The following USO1 variants were observed in gnomAD, a reference collection of about 807,000 sequenced individuals.
USO1 encodes USO1 vesicle transport factor, also known as general vesicular transport factor p115.
Under a neutral mutation model 124.5 loss-of-function variants are expected in USO1, and 57 were observed. The observed-to-expected ratio is 0.46, with a 90% confidence interval of 0.37 to 0.57. The LOEUF (loss-of-function observed/expected upper bound fraction) is 0.57, where lower values mean the gene tolerates loss of function less well. USO1 is among the 20% of genes least tolerant of loss of function. The pLI is 0.00. For missense variants in USO1, 900 were observed against 1,040.6 expected (o/e 0.86, Z 1.86); for synonymous variants, 369 against 362.8 (o/e 1.02, Z -0.19).
Position 75,724,829 on chromosome 4 carries a change from C to T in USO1, c.10C>T (p.Leu4Phe), listed in dbSNP as rs1473543535. 3 of 1,613,846 alleles carry T rather than the reference C, an allele frequency of 1.9e-6. No individual in the cohort carries two copies. The highest frequency in any genetic ancestry group is 2.5e-6 in the Non-Finnish European group (3 of 1,179,830). MNF[L>F]RGVMGGQSAG... ...GTGGCTGAACGGCAAGATGAATTTCCTCCGCGGGGTAATGGGGGGTCAGAG... is the reference window on the plus strand; with the variant it reads ...GTGGCTGAACGGCAAGATGAATTTCTTCCGCGGGGTAATGGGGGGTCAGAG... Residue 4 changes from leucine to phenylalanine, a missense_variant, in exon 1 of 24, where the codon CTC becomes TTC. Leu to Phe is a conservative substitution (Grantham distance 22, BLOSUM62 0). This residue lies in a region of USO1 where 538 missense variants were observed against 681.6 expected (regional missense o/e 0.79). Coordinates refer to ENST00000514213, the MANE Select transcript of USO1 (RefSeq NM_003715.4).
intron 1 of USO1, among the ~76,000 whole-genome samples, chr4:75,747,550 C>T (rs1374843093): frequency 6.7e-6 from 1 of 150,232 alleles, no homozygotes; most frequent in African/African-American, 2.4e-5. Context: ...GTTAGGATTA[C>T]AAGTGTGAGC....
intron 17 of USO1, among the ~76,000 whole-genome samples, chr4:75,803,609 A>G (rs1399398232): frequency 6.6e-6 from 1 of 151,234 alleles, no homozygotes; most frequent in African/African-American, 2.4e-5. Flanking sequence ...GGATTGCACC[A>G]CTGCACTCCA....
intron 7 of USO1, among the ~76,000 whole-genome samples, chr4:75,773,724 C>T (rs575537861): frequency 5.9e-5 from 9 of 152,110 alleles, no homozygotes; most frequent in Non-Finnish European, 1.0e-4. Flanking sequence ...ACTGTTTTCA[C>T]CTTTTTCTCT....
Position 75,790,813 on chromosome 4 carries a change from C to A in USO1, c.1240+16C>A, listed in dbSNP as rs777364631. On this transcript the variant is annotated intron_variant, in intron 12 of 23. Transcript: ENST00000514213. The stretch of plus-strand genomic sequence containing the variant: ...ACCATTGATGGTAAATAATTTAGTT[C>A]TAATTTTTATTTGAAAAAGTAAATC... The A allele has an allele frequency of 1.9e-6, 3 of 1,540,112 alleles. No individual in the cohort carries two copies. The highest frequency in any genetic ancestry group is 2.2e-5 in the Admixed American group (1 of 44,602).
chr4:75,755,480 A>G, intron 3 of USO1: 2 of 520,076 alleles, frequency 3.8e-6, no homozygotes, highest in South Asian at 2.8e-5. Flanking sequence ...TCTCAAACAA[A>G]GCTAAAGATA....
rs767832730 is a variant in USO1 at position 75,770,436 on chromosome 4, C to T, written c.296-3C>T. The T allele has an allele frequency of 3.9e-6, 6 of 1,540,338 alleles. No homozygotes were observed. In the South Asian group the frequency reaches 6.4e-5, roughly 16 times the overall value. On this transcript the variant is annotated splice_polypyrimidine_tract_variant and splice_region_variant and intron_variant, in intron 4 of 23. Transcript: ENST00000514213. ...TGAAATTCTTTATTTTTGAATATTA[C>T]AGAAGAAAATTCCACAAGACAGAGT...
At position 75,813,568 on chromosome 4, in the gene USO1, G is replaced by A. The variant is rs761524379; in HGVS notation, c.*273G>A. On this transcript the variant is annotated 3_prime_UTR_variant, in exon 24 of 24. Transcript: ENST00000514213. ...AAACACCAAAAATATACCATTTTAAGGCATGTGGTGACAATGCTATTTGCC... is the reference window on the plus strand; with the variant it reads ...AAACACCAAAAATATACCATTTTAAAGCATGTGGTGACAATGCTATTTGCC... 16 of 243,758 alleles carry A rather than the reference G, an allele frequency of 6.6e-5. No individual in the cohort carries two copies. Among genetic ancestry groups the A allele is most frequent in the Non-Finnish European group, 1.1e-4 (14 of 129,980 alleles). The allele number at this position is 243,758 out of a possible 1,614,324, so 15.1% of individuals were successfully genotyped here. A position where few individuals can be genotyped will look rare whatever the true frequency, so the allele number is the denominator to read the frequency against.
chr4:75,766,240 TTGCATCTTGG>T (rs946778783), intron 4 of USO1, among the ~76,000 whole-genome samples: 1 of 152,208 alleles, frequency 6.6e-6, no homozygotes, highest in Non-Finnish European at 1.5e-5. Context: ...CTTATGTCTT[TTGCATCTTGG>T]TGATAATACT....
intron 1 of USO1, among the ~76,000 whole-genome samples, chr4:75,731,622 C>T (rs1323180983): frequency 6.6e-6 from 1 of 151,562 alleles, no homozygotes; most frequent in Non-Finnish European, 1.5e-5. Context: ...TCATCTAAAA[C>T]ATAAGTGAAT....
At chr4:75,790,068 A>C in intron 10 of USO1, 82 bp from the exon 11 acceptor site, 1 of 1,391,596 alleles carries the variant, frequency 7.2e-7, no homozygotes, top group Admixed American at 3.0e-5. Context: ...ACAAAAAAAA[A>C]AGATTTTTTT....
chr4:75,766,177 GTAAAA>G (rs1721765139), intron 4 of USO1, among the ~76,000 whole-genome samples: 2 of 152,076 alleles, frequency 1.3e-5, no homozygotes, highest in East Asian at 3.8e-4. Context: ...GAAATATAAG[GTAAAA>G]TATCAAGACT....
chr4:75,776,932 A>G (rs1449356695), intron 8 of USO1, among the ~76,000 whole-genome samples: 1 of 152,180 alleles, frequency 6.6e-6, no homozygotes, highest in Non-Finnish European at 1.5e-5. Context: ...TTATGTACTA[A>G]TCTTTGGAAT....
At chr4:75,812,041 C>A in intron 22 of USO1, 119 bp from the exon 23 acceptor site, 1 of 1,444,968 alleles carries the variant, frequency 6.9e-7, no homozygotes. Flanking sequence ...AACCTCCACC[C>A]CTAAATTCCT....
chr4:75,812,034 C>G (rs1025350990), intron 22 of USO1, 126 bp from the exon 23 acceptor site: 1 of 1,400,308 alleles, frequency 7.1e-7, no homozygotes, highest in Non-Finnish European at 9.6e-7. Context: ...TACCCTTAAC[C>G]TCCACCCCTA....
intron 9 of USO1, among the ~76,000 whole-genome samples, chr4:75,786,666 A>G (rs1722371104): frequency 6.6e-6 from 1 of 152,180 alleles, no homozygotes; most frequent in South Asian, 2.1e-4. Flanking sequence ...TTTATCACAC[A>G]TCAGGTCATT....
At chr4:75,806,021 C>T (rs1376471522) in intron 19 of USO1, among the ~76,000 whole-genome samples, 9 of 151,980 alleles carry the variant, frequency 5.9e-5, no homozygotes, top group Admixed American at 4.6e-4. Context: ...GACAGAGTCT[C>T]GCTCTGTTAG....
At chr4:75,788,171 A>ATTTTTTTTTTTTTTTTTTTTT (rs11291010) in intron 10 of USO1, among the ~76,000 whole-genome samples, 1 of 123,250 alleles carries the variant, frequency 8.1e-6, no homozygotes, top group African/African-American at 3.0e-5. Flanking sequence ...TTATTTATTT[A>ATTTTTTTTTTTTTTTTTTTTT]TTTTTTTTTT....
At chr4:75,768,154 C>G (rs1721821737) in intron 4 of USO1, among the ~76,000 whole-genome samples, 1 of 152,082 alleles carries the variant, frequency 6.6e-6, no homozygotes, top group Non-Finnish European at 1.5e-5. Flanking sequence ...GTAGCTGGGA[C>G]TACAGGCATG....
chr4:75,797,949 A>G (rs1177358521), intron 13 of USO1, among the ~76,000 whole-genome samples: 1 of 152,196 alleles, frequency 6.6e-6, no homozygotes, highest in Non-Finnish European at 1.5e-5. Flanking sequence ...TTAACTTAGA[A>G]TTAACACCTT....
Sources: gnomAD v4.1 joint callset for allele counts (sites outside exome capture counted in the v4.1 genomes callset) on GRCh38, gnomAD v4.1.1 for gene constraint, gnomAD v4.1.1 regional missense constraint, MANE v1.5 for transcripts, NCBI Gene and HGNC (gene_info 2026-07-23, HGNC 2026-07-21) for gene names.